MAML3: variants seen among roughly 807,000 people sequenced by gnomAD.
The protein encoded by MAML3 is mastermind like transcriptional coactivator 3, also known as mastermind-like protein 3.
Under a neutral mutation model 101.9 loss-of-function variants are expected in MAML3, and 27 were observed. The observed-to-expected ratio is 0.27, with a 90% CI of 0.20 to 0.37. MAML3 has a LOEUF of 0.37. Ranked by LOEUF, MAML3 falls within the 10% of genes least tolerant of loss-of-function variation. MAML3 has a pLI of 1.00. For missense variants in MAML3, 1,316 were observed against 1,444.9 expected, an observed-to-expected ratio of 0.91 and a Z score of 1.45; for synonymous variants, 501 against 555.9, an observed-to-expected ratio of 0.90 and a Z score of 1.39.
chr4:140,105,376 A>C (rs1435096388), intron 1 of MAML3, among the ~76,000 whole-genome samples: 1 of 152,234 alleles, frequency 6.6e-6, no homozygotes, highest in Non-Finnish European at 1.5e-5. Flanking sequence ...GGTCTTAGCC[A>C]GACACTTCAT....
At chr4:139,784,069 A>T (rs1192030851) in intron 2 of MAML3, among the ~76,000 whole-genome samples, 1 of 152,244 alleles carries the variant, frequency 6.6e-6, no homozygotes, top group East Asian at 1.9e-4. Flanking sequence ...GCATCCGCAC[A>T]CAACAGCTTT....
chr4:140,086,535 T>G (rs1194123643), intron 1 of MAML3, among the ~76,000 whole-genome samples: 1 of 152,236 alleles, frequency 6.6e-6, no homozygotes, highest in Non-Finnish European at 1.5e-5. Context: ...AAAAAGGCAT[T>G]TAAAATATCA....
chr4:140,051,292 T>C (rs572273046), intron 1 of MAML3, among the ~76,000 whole-genome samples: 49 of 152,274 alleles, frequency 3.2e-4, no homozygotes, highest in African/African-American at 1.1e-3. Context: ...CAATGGCTCA[T>C]GCCTGTAATC....
In MAML3 at chr4:139,719,730, G is replaced by C. The variant is rs1728152471; in HGVS notation, c.3010C>G (p.Gln1004Glu). The C allele has an allele frequency of 2.5e-6, 4 of 1,613,632 alleles. No homozygotes were observed. Among genetic ancestry groups the C allele is most frequent in the African/African-American group, 1.3e-5 (1 of 74,960 alleles). ...QPRLTKQHFP[Q>E]GLSQSVVDAN... ...TCCACGACTGACTGGCTCAGTCCCT[G>C]TGGGAAGTGCTGCTTGGTCAGTCTC... The change falls in exon 5 of 5, where the codon CAG (glutamine) becomes GAG (glutamate). Residue 1004 changes from glutamine to glutamate, a missense_variant. Gln to Glu is a conservative substitution (Grantham distance 29). Coordinates refer to ENST00000509479, the MANE Select transcript of MAML3 (RefSeq NM_018717.5).
intron 1 of MAML3, among the ~76,000 whole-genome samples, chr4:139,961,982 G>A (rs573785534): frequency 2.4e-4 from 37 of 152,218 alleles, no homozygotes; most frequent in African/African-American, 8.4e-4. Context: ...TGGGCATGGT[G>A]GCATGTGCCT....
intron 1 of MAML3, among the ~76,000 whole-genome samples, chr4:140,092,076 G>GTATATATATACATATATA (rs1728063084): frequency 1.6e-5 from 1 of 64,022 alleles, no homozygotes; most frequent in African/African-American, 3.9e-5. Flanking sequence ...ATATATATAC[G>GTATATATATACATATATA]TATATATATA....
At chr4:139,767,146 A>G (rs1237565557) in intron 2 of MAML3, among the ~76,000 whole-genome samples, 1 of 152,242 alleles carries the variant, frequency 6.6e-6, no homozygotes, top group East Asian at 1.9e-4. Context: ...TCCAGCGGGT[A>G]CAGGTAATTA....
At chr4:139,813,308 G>A (rs961670561) in intron 2 of MAML3, among the ~76,000 whole-genome samples, 1 of 152,140 alleles carries the variant, frequency 6.6e-6, no homozygotes, top group Non-Finnish European at 1.5e-5. Flanking sequence ...AGAACTGAAG[G>A]ACATGAACTT....
At chr4:140,060,783 G>A (rs1727434399) in intron 1 of MAML3, among the ~76,000 whole-genome samples, 2 of 152,068 alleles carry the variant, frequency 1.3e-5, no homozygotes, top group African/African-American at 2.4e-5. Flanking sequence ...TGAATATTTT[G>A]TTATTCATAT....
chr4:139,939,321 G>A (rs1415114576), intron 1 of MAML3, among the ~76,000 whole-genome samples: 1 of 152,142 alleles, frequency 6.6e-6, no homozygotes, highest in East Asian at 1.9e-4. Context: ...AACTCTAGAT[G>A]TCATTAAGTT....
At chr4:139,962,067 G>A (rs1204537500) in intron 1 of MAML3, among the ~76,000 whole-genome samples, 1 of 152,022 alleles carries the variant, frequency 6.6e-6, no homozygotes, top group African/African-American at 2.4e-5. Context: ...AGGCTGCAGT[G>A]AGCCAAGATC....
At chr4:139,753,647 C>T (rs1729579327) in intron 2 of MAML3, among the ~76,000 whole-genome samples, 2 of 152,244 alleles carry the variant, frequency 1.3e-5, no homozygotes, top group South Asian at 4.2e-4. Flanking sequence ...TGCTCCTTCC[C>T]TACATACATC....
chr4:139,881,245 C>T (rs759355658), intron 2 of MAML3, among the ~76,000 whole-genome samples: 1 of 152,146 alleles, frequency 6.6e-6, no homozygotes, highest in Non-Finnish European at 1.5e-5. Context: ...AACCACAGGA[C>T]TCTGGAATCC....
chr4:140,083,961 CACACACAG>C (rs1214010160), intron 1 of MAML3, among the ~76,000 whole-genome samples: 31 of 36,170 alleles, frequency 8.6e-4, no homozygotes, highest in African/African-American at 1.7e-3. Context: ...CACACACACA[CACACACAG>C]AGAGAGAGAG....
intron 1 of MAML3, among the ~76,000 whole-genome samples, chr4:140,100,728 C>A (rs1200188165): frequency 6.6e-6 from 1 of 152,100 alleles, no homozygotes; most frequent in Non-Finnish European, 1.5e-5. Flanking sequence ...ACCACAAATT[C>A]TTTGATCCTT....
At position 139,730,430 on chromosome 4, in the gene MAML3, TCTGCTGCTG is replaced by T. The variant is rs3051167; in HGVS notation, c.2308_2316del (p.Gln770_Gln772del). On this transcript the variant is annotated inframe_deletion, in exon 3 of 5. Transcript: ENST00000509479. ...GGGCATGTTACCTGTTCCGCCAAAATCTGCTGCTGCTGCTGCTGCTGCTGCTGCCTTTGC... is the reference window on the plus strand; with the variant it reads ...GGGCATGTTACCTGTTCCGCCAAAATCTGCTGCTGCTGCTGCTGCCTTTGC... The T allele has an allele frequency of 1.2e-4, 169 of 1,456,070 alleles. No homozygotes were observed. Among genetic ancestry groups the T allele is most frequent in the Non-Finnish European group, 1.4e-4 (153 of 1,074,432 alleles). 90.2% of individuals were successfully genotyped at this position (1,456,070 alleles called of 1,614,324 possible).
intron 1 of MAML3, among the ~76,000 whole-genome samples, chr4:139,991,837 T>C (rs4863523): frequency 0.5 from 75,973 of 151,738 alleles, 19,473 homozygotes; most frequent in East Asian, 0.64. Flanking sequence ...CAGAGCAAGA[T>C]CCTGTCTCAG....
intron 4 of MAML3, among the ~76,000 whole-genome samples, chr4:139,721,737 C>G (rs960670089): frequency 2.0e-5 from 3 of 152,034 alleles, no homozygotes; most frequent in African/African-American, 4.8e-5. Context: ...CCTGAAAGAT[C>G]TGGGGGAAAT....
intron 2 of MAML3, among the ~76,000 whole-genome samples, chr4:139,832,856 T>A (rs1468196841): frequency 6.6e-6 from 1 of 152,232 alleles, no homozygotes; most frequent in Non-Finnish European, 1.5e-5. Flanking sequence ...GTCCACATCA[T>A]CCGCAGTGAT....
Sources: gnomAD v4.1 joint callset for allele counts (sites outside exome capture counted in the v4.1 genomes callset) on GRCh38, gnomAD v4.1.1 for gene constraint, MANE v1.5 for transcripts, NCBI Gene and HGNC (gene_info 2026-07-23, HGNC 2026-07-21) for gene names.